The following ADGRB3 variants were observed in gnomAD, a reference collection of about 807,000 sequenced individuals.
ADGRB3 encodes brain-specific angiogenesis inhibitor 3.
ADGRB3 carries 37 observed loss-of-function variants against 193.4 expected under a neutral mutation model. The ratio of observed to expected loss-of-function variants is 0.19; its 90% CI spans 0.15 to 0.25. The LOEUF (loss-of-function observed/expected upper bound fraction) is 0.25. Among genes scored for constraint, ADGRB3 ranks in the 10% least tolerant of loss-of-function variants. The pLI is 1.00. For synonymous variants in ADGRB3, 690 were observed against 644.2 expected, an observed-to-expected ratio of 1.07 and a Z score of -1.08; for missense variants, 1,637 against 1,852.9, an observed-to-expected ratio of 0.88 and a Z score of 2.14.
intron 13 of ADGRB3, among the ~76,000 whole-genome samples, chr6:69,024,310 A>G (rs1440990865): frequency 2.0e-5 from 3 of 152,202 alleles, no homozygotes; most frequent in Admixed American, 6.5e-5. Flanking sequence ...AATAAAGTTC[A>G]GTGTCTTAAG....
intron 15 of ADGRB3, among the ~76,000 whole-genome samples, chr6:69,061,477 A>G (rs1255111343): frequency 2.6e-5 from 4 of 152,078 alleles, no homozygotes; most frequent in African/African-American, 9.7e-5. Flanking sequence ...TGGGAGTAAC[A>G]TAAAATTAAG....
chr6:69,362,870 T>G (rs1226929544), intron 29 of ADGRB3, among the ~76,000 whole-genome samples: 3 of 152,102 alleles, frequency 2.0e-5, no homozygotes, highest in Non-Finnish European at 4.4e-5. Flanking sequence ...CTACAAAATA[T>G]TTATGCAAAA....
intron 3 of ADGRB3, among the ~76,000 whole-genome samples, chr6:68,665,702 C>A (rs1293123420): frequency 6.6e-6 from 1 of 151,686 alleles, no homozygotes; most frequent in Non-Finnish European, 1.5e-5. Context: ...GCTTGGATAT[C>A]TCTTTAAATT....
intron 3 of ADGRB3, among the ~76,000 whole-genome samples, chr6:68,822,655 A>G (rs1767768178): frequency 1.3e-5 from 2 of 151,986 alleles, no homozygotes; most frequent in African/African-American, 2.4e-5. Context: ...GCAAAGGACT[A>G]TAGCTCAACA....
intron 3 of ADGRB3, among the ~76,000 whole-genome samples, chr6:68,922,468 A>C (rs1179579645): frequency 1.3e-5 from 2 of 152,232 alleles, no homozygotes; most frequent in African/African-American, 4.8e-5. Context: ...TGTCTTGAGG[A>C]AACGAAACAA....
At chr6:68,919,002 C>T (rs181257246) in intron 3 of ADGRB3, among the ~76,000 whole-genome samples, 131 of 152,144 alleles carry the variant, frequency 8.6e-4, no homozygotes, top group Non-Finnish European at 1.6e-3. Flanking sequence ...CATTTTCCCA[C>T]CATTTTTCTG....
intron 3 of ADGRB3, among the ~76,000 whole-genome samples, chr6:68,683,443 A>C (rs1248092688): frequency 6.6e-6 from 1 of 152,196 alleles, no homozygotes; most frequent in African/African-American, 2.4e-5. Context: ...ATTATTATTA[A>C]ATTTTTAAAA....
intron 3 of ADGRB3, among the ~76,000 whole-genome samples, chr6:68,754,132 A>C (rs930079538): frequency 1.8e-4 from 27 of 152,214 alleles, no homozygotes; most frequent in African/African-American, 4.8e-4. Context: ...TCCAAAGTTG[A>C]AGACTAAATC....
intron 3 of ADGRB3, among the ~76,000 whole-genome samples, chr6:68,843,016 A>G (rs1338582435): frequency 2.0e-5 from 3 of 149,868 alleles, no homozygotes; most frequent in Non-Finnish European, 4.4e-5. Context: ...TGTAGAAAGA[A>G]TGTACCTCAA....
At chr6:69,347,218 C>T (rs1240617799) in intron 26 of ADGRB3, among the ~76,000 whole-genome samples, 1 of 151,750 alleles carries the variant, frequency 6.6e-6, no homozygotes, top group South Asian at 2.1e-4. Context: ...GAGGTGGGGG[C>T]CTAGGGGAGG....
intron 20 of ADGRB3, among the ~76,000 whole-genome samples, chr6:69,318,467 T>C (rs1768366937): frequency 6.6e-6 from 1 of 151,426 alleles, no homozygotes; most frequent in South Asian, 2.1e-4. Context: ...ACTGTATTTC[T>C]AGACATAATC....
intron 20 of ADGRB3, among the ~76,000 whole-genome samples, chr6:69,312,157 C>CGATG (rs1173949764): frequency 6.6e-6 from 1 of 151,604 alleles, no homozygotes; most frequent in Non-Finnish European, 1.5e-5. Context: ...AAAGAGTGAG[C>CGATG]GATGGCACCA....
chr6:68,724,426 GA>G (rs1201292967), intron 3 of ADGRB3, among the ~76,000 whole-genome samples: 2 of 151,608 alleles, frequency 1.3e-5, no homozygotes, highest in South Asian at 2.1e-4. Flanking sequence ...ATTGTCCTAG[GA>G]AGAAAGTTCT....
Position 69,382,917 on chromosome 6 carries a change from A to G in ADGRB3, c.4362A>G (p.Ile1454Met). 6.2e-7 allele frequency: 1 copy of G among 1,604,964 alleles called. No homozygotes were observed. The highest frequency in any genetic ancestry group is 8.5e-7 in the Non-Finnish European group (1 of 1,173,688). The change falls in exon 31 of 32, where the codon ATA becomes ATG. Residue 1454 changes from isoleucine to methionine, a missense_variant. This residue lies in a region of ADGRB3 where 368 missense variants were observed against 367.4 expected (regional missense o/e 1.00). Transcript: ENST00000370598. ...KFQTLDRFRD[I>M]PNTSSMENPA... ...AAACTTTGGACAGATTTCGGGATAT[A>G]CCAAATACAAGCAGTATGGTAAGTA...
Position 68,749,408 on chromosome 6 carries a change from A to ATATATGTGTGTG in ADGRB3, c.757+109977_757+109978insATATGTGTGTGT, listed in dbSNP as rs540892508. On this transcript the variant is annotated intron_variant, in intron 3 of 31. Coordinates refer to ENST00000370598, the MANE Select transcript of ADGRB3 (RefSeq NM_001704.3). ...TAAACTCCCCTTTATATATATATAT[A>ATATATGTGTGTG]TGTGTGTGTGTGTGTGTGTGTGTGT... 6.7e-3 allele frequency among the ~76,000 whole-genome samples: 911 copies of ATATATGTGTGTG among 136,510 alleles called. 10 individuals carry two copies. Among genetic ancestry groups the ATATATGTGTGTG allele is most frequent in the African/African-American group, 0.024 (852 of 35,770 alleles). The allele number at this position is 136,510 out of a possible 152,430, so 89.6% of individuals were successfully genotyped here. A position where few individuals can be genotyped will look rare whatever the true frequency, so the allele number is the denominator to read the frequency against.
At chr6:69,064,808 T>G (rs1281849353) in intron 16 of ADGRB3, among the ~76,000 whole-genome samples, 1 of 152,088 alleles carries the variant, frequency 6.6e-6, no homozygotes, top group Non-Finnish European at 1.5e-5. Context: ...AGGAAGCTTT[T>G]TTAATAAATT....
intron 26 of ADGRB3, among the ~76,000 whole-genome samples, chr6:69,349,771 A>G (rs1301992808): frequency 6.6e-6 from 1 of 152,186 alleles, no homozygotes; most frequent in East Asian, 1.9e-4. Flanking sequence ...CTGGCTTAGA[A>G]TGATCCTCTT....
At position 68,870,078 on chromosome 6, in the gene ADGRB3, C is replaced by T. The variant is rs150868421; in HGVS notation, c.758-60481C>T. ...ACAGGTGTGAGCCACTGTGCCCAGC[C>T]GAAAGGCAACATTCTTATAATGTGG... On this transcript the variant is annotated intron_variant, in intron 3 of 31. Transcript: ENST00000370598. Among the ~76,000 whole-genome samples the T allele has an allele frequency of 6.1e-4, 93 of 152,174 alleles. No homozygotes were observed. In the East Asian group the frequency reaches 0.011, roughly 18 times the overall value.
intron 3 of ADGRB3, among the ~76,000 whole-genome samples, chr6:68,644,054 C>T (rs1265470885): frequency 3.3e-5 from 5 of 150,538 alleles, no homozygotes; most frequent in African/African-American, 1.2e-4. Flanking sequence ...TTATCCAGCA[C>T]ACTCTGAACA....
Sources: allele counts gnomAD v4.1 joint callset (sites outside exome capture counted in the v4.1 genomes callset), GRCh38; gene constraint gnomAD v4.1.1; regional missense constraint gnomAD v4.1.1; transcripts MANE v1.5; gene names NCBI Gene and HGNC (gene_info 2026-07-23, HGNC 2026-07-21).